The following FOXJ3 variants were observed in gnomAD, a reference collection of about 807,000 sequenced individuals.
The protein encoded by FOXJ3 is forkhead box J3, also known as forkhead box protein J3.
FOXJ3 carries 22 observed loss-of-function variants against 76.1 expected under a neutral mutation model. The observed-to-expected ratio is 0.29, with a 90% CI of 0.21 to 0.41. The LOEUF is 0.41. FOXJ3 is among the 10% of genes least tolerant of loss of function. The pLI, the probability that FOXJ3 is intolerant of heterozygous loss-of-function variation, is 1.00. For synonymous variants in FOXJ3, 269 were observed against 261.2 expected (o/e 1.03, Z -0.29); for missense variants, 613 against 762.1 (o/e 0.80, Z 2.30).
At chr1:42,294,071 G>A (rs754485663) in intron 2 of FOXJ3, among the ~76,000 whole-genome samples, 6 of 152,194 alleles carry the variant, frequency 3.9e-5, no homozygotes, top group Non-Finnish European at 7.3e-5. Context: ...TGAGGCAGGA[G>A]TCCAATTCCA....
chr1:42,249,958 G>A (rs1347491787), intron 4 of FOXJ3, among the ~76,000 whole-genome samples: 1 of 152,146 alleles, frequency 6.6e-6, no homozygotes, highest in Non-Finnish European at 1.5e-5. Context: ...TAAAGAAAAT[G>A]AAATACTATT....
intron 6 of FOXJ3, among the ~76,000 whole-genome samples, chr1:42,200,005 C>CAAAAAA (rs11355641): frequency 1.3e-5 from 1 of 76,082 alleles, no homozygotes; most frequent in Non-Finnish European, 2.3e-5. Context: ...GACTCTGTCT[C>CAAAAAA]AAAAAAAAAA....
At chr1:42,230,024 T>C (rs343378) in intron 4 of FOXJ3, among the ~76,000 whole-genome samples, 101,603 of 152,036 alleles carry the variant, frequency 0.67, 35,632 homozygotes, top group Admixed American at 0.78. Context: ...AATAGATAAC[T>C]CTTCTTCCAC....
intron 12 of FOXJ3, 151 bp downstream of exon 12, chr1:42,181,766 C>A (rs929947439): frequency 1.5e-5 from 8 of 521,956 alleles, no homozygotes; most frequent in Non-Finnish European, 2.7e-5. Flanking sequence ...TGGGTAACAA[C>A]TGACACACAC....
intron 11 of FOXJ3, among the ~76,000 whole-genome samples, chr1:42,186,575 G>A (rs1257292997): frequency 6.6e-6 from 1 of 152,062 alleles, no homozygotes; most frequent in East Asian, 1.9e-4. Flanking sequence ...AATAACCAAG[G>A]TCAAGGCTCA....
Position 42,189,203 on chromosome 1 carries a change from TATAAG to T in FOXJ3, c.1453+95_1453+99del, listed in dbSNP as rs1404612620. ...TTTACCAACTGCAAAAGAAATGCTA[TATAAG>T]ATGATGTTTATTTCTACTACAAAGA... On this transcript the variant is annotated intron_variant, in intron 10 of 12. Coordinates refer to ENST00000361346, the MANE Select transcript of FOXJ3 (RefSeq NM_014947.5). 8.5e-6 allele frequency: 7 copies of T among 823,876 alleles called. No individual in the cohort carries two copies. The Admixed American group carries it at 1.0e-4, about 12-fold the overall frequency. The allele number at this position is 823,876 out of a possible 1,614,324, so 51.0% of individuals were successfully genotyped here.
Position 42,199,302 on chromosome 1 carries a change from G to T in FOXJ3, c.631-72C>A, listed in dbSNP as rs1646713570. The T allele has an allele frequency of 2.8e-5, 38 of 1,359,564 alleles. No individual in the cohort carries two copies. The South Asian group carries it at 4.5e-4, about 16-fold the overall frequency. 84.2% of individuals were successfully genotyped at this position (1,359,564 alleles called of 1,614,324 possible). ...TAAGCAACTCTGCAAAAATACAATT[G>T]AGCAGGCATATGGCAAGAAGAAAAA... On this transcript the variant is annotated intron_variant, in intron 6 of 12. Transcript: ENST00000361346.
chr1:42,239,320 C>T (rs1419441853), intron 4 of FOXJ3, among the ~76,000 whole-genome samples: 3 of 150,182 alleles, frequency 2.0e-5, no homozygotes, highest in East Asian at 3.9e-4. Context: ...TGTAAACATC[C>T]TTGCTTTGTT....
At chr1:42,296,592 A>G (rs2094490) in intron 2 of FOXJ3, among the ~76,000 whole-genome samples, 64,014 of 152,000 alleles carry the variant, frequency 0.42, 16,178 homozygotes, top group Non-Finnish European at 0.55. Context: ...ATTTTCATCA[A>G]CTTTGTCAAA....
Position 42,295,027 on chromosome 1 carries a change from G to A in FOXJ3, c.44+16023C>T, listed in dbSNP as rs143244747. 1.3e-3 allele frequency among the ~76,000 whole-genome samples: 198 copies of A among 152,048 alleles called. 1 individual carries two copies. The highest frequency in any genetic ancestry group is 4.5e-3 in the African/African-American group (186 of 41,476). On this transcript the variant is annotated intron_variant, in intron 2 of 12. Transcript: ENST00000361346. Reference sequence around the variant, plus strand: ...AAATTCTTTTTATTTTTTGCTTGATGTATCCAGAGTTAGTTTTCTTGAAAC... The same window carrying A: ...AAATTCTTTTTATTTTTTGCTTGATATATCCAGAGTTAGTTTTCTTGAAAC...
At chr1:42,234,112 T>TTCTCTAAA (rs1648383873) in intron 4 of FOXJ3, among the ~76,000 whole-genome samples, 1 of 152,162 alleles carries the variant, frequency 6.6e-6, no homozygotes, top group African/African-American at 2.4e-5. Context: ...TTATTCTTTT[T>TTCTCTAAA]TCTCTAAACT....
chr1:42,303,428 C>T (rs1475587990), intron 2 of FOXJ3, among the ~76,000 whole-genome samples: 1 of 152,174 alleles, frequency 6.6e-6, no homozygotes. Context: ...ACCACATCTG[C>T]TTTATCAATA....
At position 42,282,320 on chromosome 1, in the gene FOXJ3, A is replaced by G. The variant is rs180876357; in HGVS notation, c.45-3648T>C. On this transcript the variant is annotated intron_variant, in intron 2 of 12. Coordinates refer to ENST00000361346, the MANE Select transcript of FOXJ3 (RefSeq NM_014947.5). ...CTAATCATATCCAGTCCATGCATACACTCCAAGAGAAACCTATCAACACTG... is the reference window on the plus strand; with the variant it reads ...CTAATCATATCCAGTCCATGCATACGCTCCAAGAGAAACCTATCAACACTG... Among the ~76,000 whole-genome samples the G allele has an allele frequency of 2.9e-4, 44 of 152,034 alleles. 1 individual carries two copies. The East Asian group carries it at 6.4e-3, about 22-fold the overall frequency.
At chr1:42,210,994 G>A (rs995542394) in intron 5 of FOXJ3, among the ~76,000 whole-genome samples, 4 of 152,204 alleles carry the variant, frequency 2.6e-5, no homozygotes, top group Non-Finnish European at 5.9e-5. Flanking sequence ...AAGCCAGACT[G>A]CAGGCCTCAA....
At chr1:42,201,925 C>T (rs561378294) in intron 6 of FOXJ3, among the ~76,000 whole-genome samples, 11 of 151,988 alleles carry the variant, frequency 7.2e-5, no homozygotes, top group East Asian at 1.9e-4. Context: ...TTTATTCTTG[C>T]GCCAGTTTTG....
At chr1:42,188,649 TAGCAGCA>T in intron 11 of FOXJ3, 81 bp downstream of exon 11, 2 of 778,294 alleles carry the variant, frequency 2.6e-6, no homozygotes, top group Non-Finnish European at 3.9e-6. Flanking sequence ...CTGTCACCAT[TAGCAGCA>T]AACCAAGTTG....
At chr1:42,211,310 T>C (rs1646962025) in intron 5 of FOXJ3, among the ~76,000 whole-genome samples, 1 of 152,160 alleles carries the variant, frequency 6.6e-6, no homozygotes, top group East Asian at 1.9e-4. Context: ...GGTAGAGTCA[T>C]AATCCCTCTT....
intron 4 of FOXJ3, among the ~76,000 whole-genome samples, chr1:42,256,353 A>G (rs755126187): frequency 3.3e-5 from 5 of 152,252 alleles, no homozygotes; most frequent in Non-Finnish European, 5.9e-5. Flanking sequence ...TATCCAGAAT[A>G]TATTTTTTAA....
rs552475513 is a variant in FOXJ3, at chr1:42,264,483, TAC to T, written c.444+630_444+631del. Among the ~76,000 whole-genome samples the T allele has an allele frequency of 2.7e-4, 41 of 152,178 alleles. 1 individual carries two copies. In the East Asian group the frequency reaches 7.5e-3, roughly 28 times the overall value. ...AACAAGCATCGTGCTTCCCAATAAA[TAC>T]ACTGTCTCAAAGTCCTAATCTAGTA... On this transcript the variant is annotated intron_variant, in intron 4 of 12. Coordinates refer to ENST00000361346, the MANE Select transcript of FOXJ3 (RefSeq NM_014947.5).
Sources: gnomAD v4.1 joint callset for allele counts (sites outside exome capture counted in the v4.1 genomes callset) on GRCh38, gnomAD v4.1.1 for gene constraint, MANE v1.5 for transcripts, NCBI Gene and HGNC (gene_info 2026-07-23, HGNC 2026-07-21) for gene names.